Variants in RYR2 observed in about 807,000 individuals in gnomAD.
RYR2 encodes the protein cardiac muscle ryanodine receptor-calcium release channel.
A neutral mutation model predicts 601.1 loss-of-function variants in RYR2; 227 were observed. The observed-to-expected ratio is 0.38, with a 90% CI of 0.34 to 0.42. The LOEUF (loss-of-function observed/expected upper bound fraction) is 0.42. Ranked by LOEUF, RYR2 falls within the 10% of genes least tolerant of loss-of-function variation. The probability of loss-of-function intolerance (pLI) is 1.00; values close to 1 mark genes in which losing one functional copy is unlikely to be tolerated. For missense variants in RYR2, 4,646 were observed against 6,156.5 expected, an observed-to-expected ratio of 0.75 and a Z score of 8.21; for synonymous variants, 2,223 against 2,175.1, an observed-to-expected ratio of 1.02 and a Z score of -0.61.
intron 1 of RYR2, among the ~76,000 whole-genome samples, chr1:237,223,484 T>A (rs576341267): frequency 6.6e-6 from 1 of 152,366 alleles, no homozygotes; most frequent in East Asian, 1.9e-4. Context: ...CAATTTTGGT[T>A]GCTTATGACA....
intron 1 of RYR2, among the ~76,000 whole-genome samples, chr1:237,170,409 C>T (rs1200039216): frequency 6.6e-6 from 1 of 152,086 alleles, no homozygotes. Flanking sequence ...GAGGCGGGTT[C>T]GGAATGAGGA....
chr1:237,678,125 A>G lies in RYR2; in HGVS notation c.8895+13A>G, dbSNP rs753533704. ...GTTCTTTGCAAAAGTACAGTATACA[A>G]TCTATCTTGTTTTTGCTTCAATATG... is the stretch of plus-strand genomic sequence containing the variant. On this transcript the variant is annotated intron_variant, in intron 61 of 104. Coordinates refer to ENST00000366574, the MANE Select transcript of RYR2 (RefSeq NM_001035.3). The G allele has an allele frequency of 2.0e-6, 3 of 1,507,388 alleles. No homozygotes were observed. The highest frequency in any genetic ancestry group is 1.8e-6 in the Non-Finnish European group (2 of 1,087,498). 93.4% of individuals were successfully genotyped at this position (1,507,388 alleles called of 1,614,324 possible).
At chr1:237,643,563 C>A in intron 48 of RYR2, 116 bp downstream of exon 48, 2 of 1,066,634 alleles carry the variant, frequency 1.9e-6, no homozygotes, top group South Asian at 1.7e-5. Flanking sequence ...TATGTGTATA[C>A]TACTTAAATT....
Position 237,708,997 on chromosome 1 carries a change from C to T in RYR2, c.10041C>T (p.Asp3347=), listed in dbSNP as rs1688604245. The part of the protein sequence containing the change: ...EDHLKAEARG[D]MSEAELLILD... ...ACCTGAAAGCTGAGGCCAGGGGGGA[C>T]ATGTCGGAGGCAGAACTCCTCATCC... Residue 3347 remains aspartate, a synonymous_variant, in exon 69 of 105, where the codon GAC becomes GAT. Transcript: ENST00000366574. 4 of 1,613,612 alleles carry T rather than the reference C, an allele frequency of 2.5e-6. No homozygotes were observed. Among genetic ancestry groups the T allele is most frequent in the Non-Finnish European group, 3.4e-6 (4 of 1,179,640 alleles).
chr1:237,208,801 T>G (rs1682107230), intron 1 of RYR2, among the ~76,000 whole-genome samples: 1 of 151,456 alleles, frequency 6.6e-6, no homozygotes, highest in African/African-American at 2.4e-5. Context: ...CTACTGTACA[T>G]TAGGTCTCCA....
intron 1 of RYR2, among the ~76,000 whole-genome samples, chr1:237,208,966 A>ATATATATATATATG (rs1682185720): frequency 9.4e-6 from 1 of 105,910 alleles, no homozygotes; most frequent in African/African-American, 3.2e-5. Context: ...ATATATATAT[A>ATATATATATATATG]TATATATATA....
chr1:237,326,191 G>C (rs1696155234), intron 2 of RYR2, among the ~76,000 whole-genome samples: 1 of 151,930 alleles, frequency 6.6e-6, no homozygotes, highest in Non-Finnish European at 1.5e-5. Flanking sequence ...ATGCTGCTTT[G>C]TGGTTATTCT....
rs1695419973 is a variant in RYR2 at position 237,784,872 on chromosome 1, AAGG to A, written c.13165_13167del (p.Gly4389del). 2 of 1,613,758 alleles carry A rather than the reference AAGG, an allele frequency of 1.2e-6. No homozygotes were observed. The highest frequency in any genetic ancestry group is 1.7e-6 in the Non-Finnish European group (2 of 1,179,812). ...ATCTTTGGCCTGGATCTGAAGAGAG[AAGG>A]AGGACAGTACAAACTGATTCCTCAT... On this transcript the variant is annotated inframe_deletion, in exon 90 of 105. Transcript: ENST00000366574. The surrounding 1 kb of genome is among the most constrained non-coding windows in gnomAD (Gnocchi z 7.1).
chr1:237,806,230 G>A lies in RYR2; in HGVS notation c.14245G>A (p.Gly4749Arg), dbSNP rs1660619510. ...FAAHLLDIAM[G>R]FKTLRTILSS... ...CGCTCACCTTCTCGACATTGCTATG[G>A]GATTCAAGACATTAAGAACCATCTT... The change falls in exon 99 of 105, where the codon GGA becomes AGA. Residue 4749 changes from glycine (G) to arginine (R), a missense_variant. Physicochemically the swap from Gly to Arg is moderately radical, Grantham distance 125. Around this residue, in one of 17 missense-constraint regions of RYR2, gnomAD observed 8 missense variants for 45.1 expected, o/e 0.18. Transcript: ENST00000366574. 6.2e-7 allele frequency: 1 copy of A among 1,613,238 alleles called. No homozygotes were observed. The highest frequency in any genetic ancestry group is 1.3e-5 in the African/African-American group (1 of 74,810).
At chr1:237,269,384 A>C (rs551943018) in intron 1 of RYR2, among the ~76,000 whole-genome samples, 9 of 152,100 alleles carry the variant, frequency 5.9e-5, no homozygotes, top group African/African-American at 2.2e-4. Context: ...AAAAAAAAAA[A>C]CAACTTGCCG....
At chr1:237,288,821 G>T (rs1430673866) in intron 2 of RYR2, among the ~76,000 whole-genome samples, 1 of 152,134 alleles carries the variant, frequency 6.6e-6, no homozygotes, top group East Asian at 1.9e-4. Context: ...CCTGAGTTCT[G>T]GCCAGGAGGC....
At chr1:237,388,038 A>G (rs755930682) in intron 9 of RYR2, 49 bp from the exon 10 acceptor site, 2 of 1,513,742 alleles carry the variant, frequency 1.3e-6, no homozygotes, top group Non-Finnish European at 9.1e-7. Context: ...TCTGGCTATC[A>G]GCACCTGACA....
chr1:237,831,197 A>G (rs1456886297), intron 103 of RYR2, among the ~76,000 whole-genome samples: 1 of 152,218 alleles, frequency 6.6e-6, no homozygotes, highest in East Asian at 1.9e-4. Context: ...GCTTAACTAT[A>G]CTCAGTGGAA....
chr1:237,555,320 G>C (rs1482022220), intron 27 of RYR2: 9 of 152,060 alleles, frequency 5.9e-5, no homozygotes, highest in Admixed American at 5.9e-4. Context: ...TAATCAAAGA[G>C]TTCTTGAGCT....
At chr1:237,672,453 A>G (rs1224800531) in intron 58 of RYR2, among the ~76,000 whole-genome samples, 6 of 152,178 alleles carry the variant, frequency 3.9e-5, no homozygotes, top group Non-Finnish European at 7.4e-5. Context: ...CCTTGATTTT[A>G]AAAAGATTTT....
chr1:237,333,599 A>C, intron 3 of RYR2: 2 of 456,044 alleles, frequency 4.4e-6, no homozygotes, highest in South Asian at 3.1e-5. Flanking sequence ...CATTTTATTC[A>C]TAAGGATGTG....
chr1:237,443,320 A>G (rs1296430649), intron 13 of RYR2, among the ~76,000 whole-genome samples: 1 of 151,634 alleles, frequency 6.6e-6, no homozygotes, highest in African/African-American at 2.4e-5. Flanking sequence ...TTCCACTCCT[A>G]TTTTATCGAA....
At chr1:237,149,194 G>A (rs546332139) in intron 1 of RYR2, among the ~76,000 whole-genome samples, 5 of 152,202 alleles carry the variant, frequency 3.3e-5, no homozygotes, top group African/African-American at 9.6e-5. Context: ...GAAAGGTGTC[G>A]CTTATTTTCT....
chr1:237,831,949 A>T (rs1663842804), intron 104 of RYR2, among the ~76,000 whole-genome samples: 1 of 152,202 alleles, frequency 6.6e-6, no homozygotes, highest in Non-Finnish European at 1.5e-5. Context: ...AAGCTATTTG[A>T]AATTCCTCTT....
Sources: gnomAD v4.1 joint callset for allele counts (sites outside exome capture counted in the v4.1 genomes callset) on GRCh38, gnomAD v4.1.1 for gene constraint, gnomAD v4.1.1 regional missense constraint, Gnocchi (gnomAD v3.1) non-coding constraint, MANE v1.5 for transcripts, NCBI Gene and HGNC (gene_info 2026-07-23, HGNC 2026-07-21) for gene names.